Variants in KATNAL2 observed in about 807,000 individuals in gnomAD.
The protein encoded by KATNAL2 is katanin p60 ATPase-containing subunit A-like 2.
A neutral mutation model predicts 76.3 loss-of-function variants in KATNAL2; 52 were observed. The observed-to-expected ratio is 0.68, with a 90% CI of 0.55 to 0.86. The LOEUF is 0.86. KATNAL2 is among the 40% of genes least tolerant of loss of function. The probability of loss-of-function intolerance (pLI) is 0.00; values close to 1 mark genes in which losing one functional copy is unlikely to be tolerated. For synonymous variants in KATNAL2, 243 were observed against 244.2 expected (o/e 1.00, Z 0.05); for missense variants, 660 against 668.9 (o/e 0.99, Z 0.15).
chr18:46,943,627 C>A (rs371506475), intron 1 of KATNAL2, among the ~76,000 whole-genome samples: 12 of 152,128 alleles, frequency 7.9e-5, no homozygotes, highest in African/African-American at 2.9e-4. Context: ...AAGAAATAAC[C>A]AAAAAATGGG....
In KATNAL2 at chr18:47,031,326, G is replaced by T. The variant is rs1480638871; in HGVS notation, c.52-15131G>T. Reference sequence around the variant, plus strand: ...CCGAATGAGGAAAACAGATCCATTTGAAATATGTATGTTTTCGGCTTTTGT... The same window carrying T: ...CCGAATGAGGAAAACAGATCCATTTTAAATATGTATGTTTTCGGCTTTTGT... On this transcript the variant is annotated intron_variant, in intron 3 of 17. Transcript: ENST00000683218. Among the ~76,000 whole-genome samples, 3 of 152,038 alleles carry T rather than the reference G, an allele frequency of 2.0e-5. No homozygotes were observed. In the South Asian group the frequency reaches 6.2e-4, roughly 32 times the overall value.
chr18:47,089,407 T>C (rs116735445), intron 15 of KATNAL2, among the ~76,000 whole-genome samples: 263 of 152,350 alleles, frequency 1.7e-3, no homozygotes, highest in African/African-American at 6.0e-3. Context: ...GCAAGAGTAA[T>C]TGAGGAATAT....
intron 13 of KATNAL2, among the ~76,000 whole-genome samples, chr18:47,072,746 G>A (rs1416371263): frequency 6.6e-6 from 1 of 152,118 alleles, no homozygotes; most frequent in Non-Finnish European, 1.5e-5. Context: ...GCATCTCCCT[G>A]CCTTTCTAAA....
intron 3 of KATNAL2, among the ~76,000 whole-genome samples, chr18:46,965,581 G>GCCCCCCCCCCCCCCCCCC (rs2510018): frequency 5.4e-5 from 4 of 73,874 alleles, no homozygotes; most frequent in African/African-American, 1.1e-4. Flanking sequence ...TAGCATCCCC[G>GCCCCCCCCCCCCCCCCCC]CCCCCCCCCC....
rs549222213 is a variant in KATNAL2 at position 47,039,718 on chromosome 18, A to G, written c.52-6739A>G. Among the ~76,000 whole-genome samples the G allele has an allele frequency of 5.3e-5, 8 of 152,338 alleles. 1 individual carries two copies. In the East Asian group the frequency reaches 1.2e-3, roughly 22 times the overall value. Reference sequence around the variant, plus strand: ...TCCTAGAGAACATTTGCACAAGTACATGTTTCAATTAGGAAGAAGCAAATG... The same window carrying G: ...TCCTAGAGAACATTTGCACAAGTACGTGTTTCAATTAGGAAGAAGCAAATG... On this transcript the variant is annotated intron_variant, in intron 3 of 17. Transcript: ENST00000683218.
At chr18:46,926,870 G>A (rs562339891) in intron 1 of KATNAL2, among the ~76,000 whole-genome samples, 28 of 152,048 alleles carry the variant, frequency 1.8e-4, no homozygotes, top group Non-Finnish European at 3.7e-4. Context: ...GATCTTTGTT[G>A]GTTTAAAGTT....
intron 3 of KATNAL2, among the ~76,000 whole-genome samples, chr18:47,031,498 G>A (rs1281040949): frequency 3.9e-5 from 6 of 152,070 alleles, no homozygotes; most frequent in Non-Finnish European, 5.9e-5. Flanking sequence ...TGAGAATCGG[G>A]GAATGGGGAT....
chr18:46,925,499 G>A lies in KATNAL2; in HGVS notation c.-510+7573G>A, dbSNP rs184038919. 4.0e-3 allele frequency among the ~76,000 whole-genome samples: 607 copies of A among 152,260 alleles called. 2 individuals are homozygous for A. Among genetic ancestry groups the A allele is most frequent in the African/African-American group, 0.012 (507 of 41,542 alleles). On this transcript the variant is annotated intron_variant, in intron 1 of 17. Transcript: ENST00000683218. ...TTCGGTTTGCCAGTATTTTATTGAG[G>A]ATTTTTGCATCAGTGTTCATCAAGG...
Position 47,062,964 on chromosome 18 carries a change from C to T in KATNAL2, c.550-8C>T, listed in dbSNP as rs1251280680. 1 of 1,609,918 alleles carries T rather than the reference C, an allele frequency of 6.2e-7. No homozygotes were observed. The highest frequency in any genetic ancestry group is 8.5e-7 in the Non-Finnish European group (1 of 1,176,564). ...CTCATGGCATAAATAACCATTCCTC[C>T]CTTTCAGGGCCAAATCATTGACTTC... is the stretch of plus-strand genomic sequence containing the variant. On this transcript the variant is annotated splice_polypyrimidine_tract_variant and splice_region_variant and intron_variant, in intron 8 of 17. Transcript: ENST00000683218.
At chr18:47,036,233 G>C (rs1447202065) in intron 3 of KATNAL2, among the ~76,000 whole-genome samples, 1 of 152,166 alleles carries the variant, frequency 6.6e-6, no homozygotes, top group African/African-American at 2.4e-5. Context: ...TGAAACTCTT[G>C]CCAAACTGCC....
intron 1 of KATNAL2, among the ~76,000 whole-genome samples, chr18:46,934,271 C>A (rs540374817): frequency 6.6e-5 from 10 of 152,250 alleles, no homozygotes; most frequent in African/African-American, 2.2e-4. Context: ...CCAACAGTGT[C>A]AAAGTGTTCC....
At chr18:47,041,189 G>A (rs2060950687) in intron 3 of KATNAL2, among the ~76,000 whole-genome samples, 1 of 152,124 alleles carries the variant, frequency 6.6e-6, no homozygotes, top group South Asian at 2.1e-4. Flanking sequence ...TTAAATCGAT[G>A]AACCTACACT....
At chr18:47,035,514 T>A in intron 3 of KATNAL2, 1 of 751,064 alleles carries the variant, frequency 1.3e-6, no homozygotes, top group Non-Finnish European at 2.2e-6. Flanking sequence ...CAGCCTGGAG[T>A]GACCTCTGCA....
Position 46,917,701 on chromosome 18 carries a change from G to A in KATNAL2, c.-735G>A, listed in dbSNP as rs953477872. 4 of 360,572 alleles carry A rather than the reference G, an allele frequency of 1.1e-5. No homozygotes were observed. The highest frequency in any genetic ancestry group is 6.6e-5 in the African/African-American group (3 of 45,402). The allele number at this position is 360,572 out of a possible 1,614,324, so 22.3% of individuals were successfully genotyped here. The stretch of plus-strand genomic sequence containing the variant: ...GGTCGTGCCTTCCCTCCCCGGCGGA[G>A]GCCCCTGCGGACTGCCTAGAGCTGG... On this transcript the variant is annotated 5_prime_UTR_variant, in exon 1 of 18. Transcript: ENST00000683218.
intron 3 of KATNAL2, among the ~76,000 whole-genome samples, chr18:46,967,911 A>G (rs1249014755): frequency 8.4e-6 from 1 of 118,482 alleles, no homozygotes; most frequent in African/African-American, 3.2e-5. Flanking sequence ...GAAATCCAGG[A>G]GTTCCTTTCT....
intron 8 of KATNAL2, among the ~76,000 whole-genome samples, chr18:47,060,467 C>T (rs994314980): frequency 6.6e-5 from 10 of 152,144 alleles, no homozygotes; most frequent in African/African-American, 2.2e-4. Context: ...CATAATGAAT[C>T]TCATGTCTAG....
chr18:47,094,391 C>T (rs2063139173), intron 15 of KATNAL2, among the ~76,000 whole-genome samples: 1 of 152,252 alleles, frequency 6.6e-6, no homozygotes, highest in African/African-American at 2.4e-5. Flanking sequence ...TTACATCTCT[C>T]TGAGAATACT....
chr18:46,918,838 C>A (rs879590538), intron 1 of KATNAL2, among the ~76,000 whole-genome samples: 3 of 152,096 alleles, frequency 2.0e-5, no homozygotes, highest in Non-Finnish European at 4.4e-5. Context: ...GTGTCACTTC[C>A]TCAGGAAGAC....
intron 1 of KATNAL2, among the ~76,000 whole-genome samples, chr18:46,936,780 C>T (rs2059105592): frequency 6.6e-6 from 1 of 152,028 alleles, no homozygotes; most frequent in Non-Finnish European, 1.5e-5. Flanking sequence ...GGCGAAACCC[C>T]ATCTCTACTA....
Sources: allele counts gnomAD v4.1 joint callset (sites outside exome capture counted in the v4.1 genomes callset), GRCh38; gene constraint gnomAD v4.1.1; transcripts MANE v1.5; gene names NCBI Gene and HGNC (gene_info 2026-07-23, HGNC 2026-07-21).